The following PEPD variants were observed in gnomAD, a reference collection of about 807,000 sequenced individuals.
PEPD encodes xaa-Pro dipeptidase.
PEPD carries 53 observed loss-of-function variants against 60.7 expected under a neutral mutation model. That is an observed-to-expected ratio of 0.87 (90% confidence interval 0.70 to 1.10). The LOEUF is 1.10. PEPD is among the 50% of genes least tolerant of loss of function. The probability of loss-of-function intolerance (pLI) is 0.00; values close to 1 mark genes in which losing one functional copy is unlikely to be tolerated. For synonymous variants in PEPD, 267 were observed against 284.1 expected, an observed-to-expected ratio of 0.94 and a Z score of 0.60; for missense variants, 711 against 711.9, an observed-to-expected ratio of 1.00 and a Z score of 0.01.
intron 9 of PEPD, among the ~76,000 whole-genome samples, chr19:33,452,175 A>C (rs7254071): frequency 0.19 from 28,514 of 152,190 alleles, 3,009 homozygotes; most frequent in African/African-American, 0.25. Context: ...TGGTGACAGA[A>C]CTAGCAGCTA....
chr19:33,397,134 G>T (rs1027841758), intron 12 of PEPD, among the ~76,000 whole-genome samples: 8 of 152,164 alleles, frequency 5.3e-5, no homozygotes, highest in Non-Finnish European at 1.2e-4. Context: ...ACTCCCAGCC[G>T]CCAGGGTAGG....
At chr19:33,402,169 C>T (rs1321077218) in intron 11 of PEPD, among the ~76,000 whole-genome samples, 2 of 152,182 alleles carry the variant, frequency 1.3e-5, no homozygotes, top group East Asian at 1.9e-4. Flanking sequence ...TGACACCCAC[C>T]CCTGTGGCCT....
chr19:33,521,756 GC>G lies in PEPD; in HGVS notation c.4del (p.Ala2ArgfsTer15). ...GCGCAGCACTCACCCGGTGGCCGCC[GC>G]CATGTTCGCCCGGCACCGGCGTCAC... M[A>X]AATGPSFWLG... is the part of the protein sequence containing the mutation. On this transcript the variant is annotated frameshift_variant, in exon 1 of 15. Coordinates refer to ENST00000244137, the MANE Select transcript of PEPD (RefSeq NM_000285.4). LOFTEE classifies it high-confidence loss of function. The G allele has an allele frequency of 6.3e-7, 1 of 1,577,412 alleles. No individual in the cohort carries two copies.
chr19:33,440,381 C>CT (rs1969459816), intron 9 of PEPD, among the ~76,000 whole-genome samples: 1 of 152,178 alleles, frequency 6.6e-6, no homozygotes, highest in African/African-American at 2.4e-5. Flanking sequence ...TCCCCATCCA[C>CT]TCCAACCCCA....
chr19:33,484,396 CA>C (rs1970361777), intron 6 of PEPD, among the ~76,000 whole-genome samples: 1 of 152,306 alleles, frequency 6.6e-6, no homozygotes, highest in Admixed American at 6.5e-5. Context: ...ACACAAGCAG[CA>C]AAGTGACCCA....
chr19:33,510,470 T>C (rs181777729), intron 3 of PEPD, among the ~76,000 whole-genome samples: 48 of 152,278 alleles, frequency 3.2e-4, no homozygotes, highest in African/African-American at 1.2e-3. Flanking sequence ...GCTCAGGGGA[T>C]TGGTTTGACC....
intron 12 of PEPD, among the ~76,000 whole-genome samples, chr19:33,394,325 G>A (rs1029466304): frequency 2.6e-5 from 4 of 152,256 alleles, no homozygotes; most frequent in South Asian, 2.1e-4. Context: ...CGCAGAGGGC[G>A]GGAATCAGGT....
chr19:33,521,556 G>A (rs1211211420), intron 1 of PEPD, among the ~76,000 whole-genome samples, 188 bp downstream of exon 1: 1 of 152,206 alleles, frequency 6.6e-6, no homozygotes, highest in Non-Finnish European at 1.5e-5. Flanking sequence ...AGGAGCTGCG[G>A]CCCCCGCGCT....
intron 7 of PEPD, among the ~76,000 whole-genome samples, chr19:33,470,798 C>T (rs949143559): frequency 3.3e-5 from 5 of 152,156 alleles, no homozygotes; most frequent in Non-Finnish European, 7.4e-5. Context: ...CACCCCATGG[C>T]AGCATGGGAT....
chr19:33,390,462 A>T (rs910018591), intron 13 of PEPD, among the ~76,000 whole-genome samples: 2 of 152,324 alleles, frequency 1.3e-5, no homozygotes, highest in East Asian at 3.9e-4. Flanking sequence ...CCTGCCAAAA[A>T]ATCATTCTTA....
intron 7 of PEPD, among the ~76,000 whole-genome samples, chr19:33,476,385 G>A (rs1213528729): frequency 3.9e-5 from 6 of 152,112 alleles, no homozygotes; most frequent in Non-Finnish European, 8.8e-5. Flanking sequence ...GATCTGCCCC[G>A]GTATCTGGCC....
chr19:33,457,589 C>A (rs2145261382), intron 9 of PEPD, among the ~76,000 whole-genome samples: 1 of 152,330 alleles, frequency 6.6e-6, no homozygotes, highest in South Asian at 2.1e-4. Context: ...AGGCTCACTG[C>A]AACCTCCACC....
chr19:33,495,567 T>C (rs1001731902), intron 4 of PEPD, among the ~76,000 whole-genome samples: 11 of 151,744 alleles, frequency 7.2e-5, no homozygotes, highest in African/African-American at 2.7e-4. Flanking sequence ...TTTGTCAAGG[T>C]TTACCATGCT....
intron 12 of PEPD, among the ~76,000 whole-genome samples, chr19:33,401,343 C>T (rs930448577): frequency 2.0e-5 from 3 of 152,252 alleles, no homozygotes; most frequent in Admixed American, 6.5e-5. Context: ...CTGAGCGGCA[C>T]GTGAACCTGC....
intron 6 of PEPD, among the ~76,000 whole-genome samples, chr19:33,481,743 A>G (rs947152252): frequency 4.6e-5 from 7 of 151,666 alleles, no homozygotes; most frequent in African/African-American, 7.3e-5. Context: ...TCTTACCAGA[A>G]AAGGGCCAGG....
chr19:33,445,227 T>C (rs900677550), intron 9 of PEPD, among the ~76,000 whole-genome samples: 5 of 152,204 alleles, frequency 3.3e-5, no homozygotes, highest in African/African-American at 1.2e-4. Context: ...AAATGTCCAC[T>C]GGGCTGCCTG....
chr19:33,499,860 C>T (rs987211803), intron 4 of PEPD, among the ~76,000 whole-genome samples: 5 of 152,224 alleles, frequency 3.3e-5, no homozygotes, highest in African/African-American at 1.2e-4. Flanking sequence ...CCGGGCTGGG[C>T]CCCCACATGC....
intron 3 of PEPD, among the ~76,000 whole-genome samples, chr19:33,503,252 G>C (rs560074291): frequency 6.6e-6 from 1 of 152,228 alleles, no homozygotes; most frequent in Non-Finnish European, 1.5e-5. Context: ...GAGGGCCCGG[G>C]AGACGCTGGT....
intron 6 of PEPD, among the ~76,000 whole-genome samples, chr19:33,479,591 G>A (rs1970278954): frequency 6.6e-6 from 1 of 151,884 alleles, no homozygotes; most frequent in Admixed American, 6.6e-5. Context: ...CTTCCAATAG[G>A]CCCCAGTGTG....
Sources: allele counts gnomAD v4.1 joint callset (sites outside exome capture counted in the v4.1 genomes callset), GRCh38; gene constraint gnomAD v4.1.1; transcripts MANE v1.5; gene names NCBI Gene and HGNC (gene_info 2026-07-23, HGNC 2026-07-21).